The following NCOA5 variants were observed in gnomAD, a reference collection of about 807,000 sequenced individuals.
The protein encoded by NCOA5 is NCoA-5.
Under a neutral mutation model 59.0 loss-of-function variants are expected in NCOA5, and 12 were observed. The observed-to-expected ratio is 0.20, with a 90% CI of 0.13 to 0.33. The LOEUF (loss-of-function observed/expected upper bound fraction) is 0.33. Ranked by LOEUF, NCOA5 falls within the 10% of genes least tolerant of loss-of-function variation. The probability of loss-of-function intolerance (pLI) is 1.00; values close to 1 mark genes in which losing one functional copy is unlikely to be tolerated. For synonymous variants in NCOA5, 270 were observed against 275.5 expected, an observed-to-expected ratio of 0.98 and a Z score of 0.20; for missense variants, 655 against 766.6, an observed-to-expected ratio of 0.85 and a Z score of 1.72.
chr20:46,065,952 T>C (rs2084818665), intron 5 of NCOA5, among the ~76,000 whole-genome samples: 1 of 152,118 alleles, frequency 6.6e-6, no homozygotes, highest in African/African-American at 2.4e-5. Flanking sequence ...TAGTATGGGG[T>C]AGTACATAAA....
At chr20:46,066,593 G>A (rs2084825629) in intron 5 of NCOA5, among the ~76,000 whole-genome samples, 1 of 152,172 alleles carries the variant, frequency 6.6e-6, no homozygotes, top group Non-Finnish European at 1.5e-5. Context: ...CTCAGGGATG[G>A]GAAAGTGAGT....
At position 46,068,410 on chromosome 20, in the gene NCOA5, C is replaced by G. The variant is rs1600620444; in HGVS notation, c.502+92G>C. 15 of 1,406,800 alleles carry G rather than the reference C, an allele frequency of 1.1e-5. No individual in the cohort carries two copies. In the East Asian group the frequency reaches 3.7e-4, roughly 35 times the overall value. 87.1% of individuals were successfully genotyped at this position (1,406,800 alleles called of 1,614,324 possible). ...ACACTGCTTGGCCAAGGCACTAGCC[C>G]TTTTTCAGATGGGGGTACTGGTTAT... On this transcript the variant is annotated intron_variant, in intron 4 of 7. Coordinates refer to ENST00000290231, the MANE Select transcript of NCOA5 (RefSeq NM_020967.3).
At chr20:46,070,748 A>C (rs980087542) in intron 2 of NCOA5, among the ~76,000 whole-genome samples, 11 of 152,142 alleles carry the variant, frequency 7.2e-5, no homozygotes. Context: ...ACATCAAAAG[A>C]ATGCATGACC....
At chr20:46,083,012 C>T (rs1004374499) in intron 1 of NCOA5, among the ~76,000 whole-genome samples, 2 of 152,170 alleles carry the variant, frequency 1.3e-5, no homozygotes, top group African/African-American at 4.8e-5. Context: ...CTTTGTTCTA[C>T]TTATTTTTTA....
At chr20:46,064,942 T>C (rs2084805357) in intron 6 of NCOA5, 87 bp downstream of exon 6, 3 of 1,315,784 alleles carry the variant, frequency 2.3e-6, no homozygotes, top group Non-Finnish European at 2.2e-6. Flanking sequence ...GATATAAGAG[T>C]CATTTGCCCA....
rs745690267 is a variant in NCOA5 at position 46,062,468 on chromosome 20, G to A, written c.1572C>T (p.Ser524=). The A allele has an allele frequency of 4.3e-6, 7 of 1,614,124 alleles. No homozygotes were observed. The Admixed American group carries it at 1.2e-4, about 27-fold the overall frequency. Residue 524 remains serine (S), a synonymous_variant, in exon 8 of 8, where the codon AGC becomes AGT. Coordinates refer to ENST00000290231, the MANE Select transcript of NCOA5 (RefSeq NM_020967.3). ...SRLAPASNMT[S]QRPVSSTGIN... ...TACCTGTGGAAGACACAGGCCTCTG[G>A]CTAGTCATGTTGCTAGCAGGTGCCA...
intron 2 of NCOA5, among the ~76,000 whole-genome samples, chr20:46,074,172 AC>A (rs1229224469): frequency 6.6e-6 from 1 of 152,172 alleles, no homozygotes; most frequent in Non-Finnish European, 1.5e-5. Flanking sequence ...TTGCTTTAGG[AC>A]CCAAACAAAG....
chr20:46,076,992 T>A (rs1248292040), intron 2 of NCOA5, among the ~76,000 whole-genome samples: 2 of 152,202 alleles, frequency 1.3e-5, no homozygotes, highest in Admixed American at 1.3e-4. Flanking sequence ...CACGGCTCAC[T>A]GCAGCCTCAA....
Position 46,068,635 on chromosome 20 carries a change from T to C in NCOA5, c.369A>G (p.Arg123=), listed in dbSNP as rs2084849688. ...GTAGGTATCGGTCATAAGAGCCTTC[T>C]CTCCTGAAAAGTTAAGGAAATTTTC... ...MRDSRDPMYR[R]EGSYDRYLRM... is the part of the protein sequence containing the mutation. Residue 123 remains arginine (R), a synonymous_variant, in exon 4 of 8, where the codon AGA becomes AGG. Transcript: ENST00000290231. The C allele has an allele frequency of 1.2e-6, 2 of 1,604,946 alleles. No homozygotes were observed. Among genetic ancestry groups the C allele is most frequent in the East Asian group, 2.2e-5 (1 of 44,670 alleles).
At chr20:46,077,398 T>A (rs1322378225) in intron 2 of NCOA5, among the ~76,000 whole-genome samples, 1 of 152,258 alleles carries the variant, frequency 6.6e-6, no homozygotes, top group African/African-American at 2.4e-5. Flanking sequence ...CTGCAATGTT[T>A]GTTGAATATC....
At position 46,065,241 on chromosome 20, in the gene NCOA5, A is replaced by G. The variant is rs750843979; in HGVS notation, c.630-13T>C. On this transcript the variant is annotated splice_polypyrimidine_tract_variant and intron_variant, in intron 5 of 7. Coordinates refer to ENST00000290231, the MANE Select transcript of NCOA5 (RefSeq NM_020967.3). ...CTCAGCATAGTCTCTGTAAAAATAA[A>G]TAAGATCCAGGTGAGCGACCAACTC... 2.0e-5 allele frequency: 33 copies of G among 1,613,984 alleles called. No individual in the cohort carries two copies. The highest frequency in any genetic ancestry group is 1.9e-4 in the South Asian group (17 of 91,082).
chr20:46,066,873 T>C (rs561716783), intron 5 of NCOA5, among the ~76,000 whole-genome samples, 182 bp downstream of exon 5: 1 of 152,218 alleles, frequency 6.6e-6, no homozygotes, highest in African/African-American at 2.4e-5. Flanking sequence ...AAATGAAAAA[T>C]GTCCCTTTTG....
rs1038422090 is a variant in NCOA5 at position 46,061,037 on chromosome 20, A to C, written c.*1263T>G. 4 of 152,040 alleles carry C rather than the reference A, an allele frequency of 2.6e-5. No homozygotes were observed. The highest frequency in any genetic ancestry group is 9.7e-5 in the African/African-American group (4 of 41,386). The allele number at this position is 152,040 out of a possible 1,614,324, so 9.4% of individuals were successfully genotyped here. A position where few individuals can be genotyped will look rare whatever the true frequency, so the allele number is the denominator to read the frequency against. ...GTAATCATTTCATTTTATTAACAACACAAGAGTTCCAAAGAGGAAAAAAAA... is the reference window on the plus strand; with the variant it reads ...GTAATCATTTCATTTTATTAACAACCCAAGAGTTCCAAAGAGGAAAAAAAA... On this transcript the variant is annotated 3_prime_UTR_variant, in exon 8 of 8. Coordinates refer to ENST00000290231, the MANE Select transcript of NCOA5 (RefSeq NM_020967.3).
chr20:46,062,323 C>T lies in NCOA5; in HGVS notation c.1717G>A (p.Gly573Arg). The T allele has an allele frequency of 1.2e-6, 2 of 1,613,740 alleles. No individual in the cohort carries two copies. Among genetic ancestry groups the T allele is most frequent in the South Asian group, 1.1e-5 (1 of 91,042 alleles). ...AQMGQPQAPM[G>R]SYQRHY ...CTTCAGTAATGCCTCTGGTAAGATC[C>T]CATGGGGGCCTGTGGCTGCCCCATC... is the stretch of plus-strand genomic sequence containing the variant. The change falls in exon 8 of 8, where the codon GGA (glycine) becomes AGA (arginine). Residue 573 changes from glycine (G) to arginine (R), a missense_variant. Gly to Arg is a moderately radical substitution (Grantham distance 125, BLOSUM62 -2). Coordinates refer to ENST00000290231, the MANE Select transcript of NCOA5 (RefSeq NM_020967.3).
At chr20:46,089,020 A>T (rs182330839) in intron 1 of NCOA5, among the ~76,000 whole-genome samples, 109 of 152,372 alleles carry the variant, frequency 7.2e-4, no homozygotes, top group African/African-American at 1.6e-3. Context: ...TGAATTTTTT[A>T]AAAAATGTAA....
At position 46,062,798 on chromosome 20, in the gene NCOA5, G is replaced by T. The variant is rs774048938; in HGVS notation, c.1242C>A (p.Leu414=). The change falls in exon 8 of 8, where the codon CTC becomes CTA. Residue 414 remains leucine (L), a synonymous_variant. Coordinates refer to ENST00000290231, the MANE Select transcript of NCOA5 (RefSeq NM_020967.3). ...SSQPLQSGQV[L]PSATPTPSAP... ...CAGATGGAGTGGGTGTAGCAGAGGGGAGCACTTGGCCGCTCTGGAGCGGTT... is the reference window on the plus strand; with the variant it reads ...CAGATGGAGTGGGTGTAGCAGAGGGTAGCACTTGGCCGCTCTGGAGCGGTT... 6 of 1,579,000 alleles carry T rather than the reference G, an allele frequency of 3.8e-6. No homozygotes were observed. The highest frequency in any genetic ancestry group is 5.2e-6 in the Non-Finnish European group (6 of 1,161,096).
chr20:46,079,407 T>C lies in NCOA5; in HGVS notation c.18A>G (p.Ser6=). The change falls in exon 2 of 8, where the codon TCA becomes TCG. Residue 6 remains serine, a synonymous_variant. Coordinates refer to ENST00000290231, the MANE Select transcript of NCOA5 (RefSeq NM_020967.3). The part of the protein sequence containing the change: MNTAP[S]RPSPTRRDPY... The stretch of plus-strand genomic sequence containing the variant: ...TTTACCTTCGTGTGGGGCTGGGTCT[T>C]GATGGAGCCGTATTCATATTTCTTC... 1 of 1,614,106 alleles carries C rather than the reference T, an allele frequency of 6.2e-7. No individual in the cohort carries two copies. Among genetic ancestry groups the C allele is most frequent in the South Asian group, 1.1e-5 (1 of 91,080 alleles).
At chr20:46,078,995 C>A (rs749978133) in intron 2 of NCOA5, among the ~76,000 whole-genome samples, 3 of 152,176 alleles carry the variant, frequency 2.0e-5, no homozygotes, top group Admixed American at 1.3e-4. Context: ...TCTGGACCGG[C>A]AGCCATTTGG....
intron 1 of NCOA5, 37 bp from the exon 2 acceptor site, chr20:46,079,490 GGAATAAAAACAA>G: frequency 1.3e-6 from 2 of 1,503,218 alleles, no homozygotes; most frequent in Admixed American, 3.4e-5. Context: ...TCAATGCTAC[GGAATAAAAACAA>G]GATCATCAGC....
Sources: gnomAD v4.1 joint callset for allele counts (sites outside exome capture counted in the v4.1 genomes callset) on GRCh38, gnomAD v4.1.1 for gene constraint, MANE v1.5 for transcripts, NCBI Gene and HGNC (gene_info 2026-07-23, HGNC 2026-07-21) for gene names.